Variants in RASSF5 observed in about 807,000 individuals in gnomAD.
RASSF5 encodes the protein ras association domain-containing protein 5.
Under a neutral mutation model 40.5 loss-of-function variants are expected in RASSF5, and 25 were observed. The observed-to-expected ratio is 0.62, with a 90% CI of 0.45 to 0.86. The LOEUF (loss-of-function observed/expected upper bound fraction) is 0.86, where lower values mean the gene tolerates loss of function less well. Among genes scored for constraint, RASSF5 ranks in the 40% least tolerant of loss-of-function variants. RASSF5 has a pLI of 0.00. For missense variants in RASSF5, 521 were observed against 572.8 expected (o/e 0.91, Z 0.92); for synonymous variants, 246 against 252.4 (o/e 0.97, Z 0.24).
At position 206,509,586 on chromosome 1, in the gene RASSF5, G is replaced by T. The variant is rs141442458; in HGVS notation, c.457+1527G>T. Among the ~76,000 whole-genome samples, 487 of 152,336 alleles carry T rather than the reference G, an allele frequency of 3.2e-3. 1 individual carries two copies. Among genetic ancestry groups the T allele is most frequent in the African/African-American group, 0.011 (458 of 41,566 alleles). Reference sequence around the variant, plus strand: ...CATCCAACAACCCTACACACAGGGAGAGAGGCAGGAGCCTCACTGAAATGG... The same window carrying T: ...CATCCAACAACCCTACACACAGGGATAGAGGCAGGAGCCTCACTGAAATGG... On this transcript the variant is annotated intron_variant, in intron 1 of 5. Coordinates refer to ENST00000579436, the MANE Select transcript of RASSF5 (RefSeq NM_182663.4).
At position 206,584,543 on chromosome 1, in the gene RASSF5, C is replaced by A; in HGVS notation, c.847C>A (p.Pro283Thr). 1 of 1,614,154 alleles carries A rather than the reference C, an allele frequency of 6.2e-7. No individual in the cohort carries two copies. The highest frequency in any genetic ancestry group is 8.5e-7 in the Non-Finnish European group (1 of 1,180,004). ...GGACAAGCGGACATCCTTCTACCTG[C>A]CCCTAGATGCCATCAAGCAGCTGCA... ...TTDKRTSFYL[P>T]LDAIKQLHIS... The change falls in exon 4 of 6, where the codon CCC becomes ACC. Residue 283 changes from proline to threonine, a missense_variant. Transcript: ENST00000579436. The surrounding 1 kb of genome is among the most constrained non-coding windows in gnomAD (Gnocchi z 4.9).
chr1:206,513,840 G>A lies in RASSF5; in HGVS notation c.457+5781G>A, dbSNP rs1355954947. Among the ~76,000 whole-genome samples the A allele has an allele frequency of 1.3e-5, 2 of 152,224 alleles. No individual in the cohort carries two copies. The highest frequency in any genetic ancestry group is 4.8e-5 in the African/African-American group (2 of 41,462). ...TGACGTTAGACCAGGCAGAAGGCTG[G>A]GTTCCCTGGGGGCACTGGTTTAAGT... On this transcript the variant is annotated intron_variant, in intron 1 of 5. Transcript: ENST00000579436. This position sits in a 1 kb window ranked among gnomAD's most constrained non-coding sequence, Gnocchi z 5.0.
intron 2 of RASSF5, among the ~76,000 whole-genome samples, chr1:206,555,489 G>A (rs1009924999): frequency 2.5e-4 from 38 of 149,728 alleles, no homozygotes; most frequent in African/African-American, 9.1e-4. Context: ...AAGGATCACA[G>A]GAAACCACCT....
chr1:206,527,008 A>G (rs572446866), intron 1 of RASSF5, among the ~76,000 whole-genome samples: 16 of 152,320 alleles, frequency 1.1e-4, no homozygotes, highest in Middle Eastern at 3.4e-3. Context: ...CAGTTGAGGA[A>G]ATTGAGGCTA....
intron 1 of RASSF5, among the ~76,000 whole-genome samples, chr1:206,517,376 G>T (rs1367663950): frequency 6.6e-6 from 1 of 152,176 alleles, no homozygotes; most frequent in Non-Finnish European, 1.5e-5. Flanking sequence ...ATGCTGGGGG[G>T]TGGGAGAATC....
At chr1:206,539,318 C>G (rs1667490303) in intron 2 of RASSF5, among the ~76,000 whole-genome samples, 1 of 152,176 alleles carries the variant, frequency 6.6e-6, no homozygotes, top group South Asian at 2.1e-4. Flanking sequence ...TCCTGTGTCT[C>G]TGACGGAAAA....
chr1:206,523,102 C>G (rs533137052), intron 1 of RASSF5, among the ~76,000 whole-genome samples: 1 of 151,600 alleles, frequency 6.6e-6, no homozygotes, highest in South Asian at 2.1e-4. Context: ...GTCAGGAGTT[C>G]AAGACTAGCC....
At chr1:206,555,199 A>G (rs1667947521) in intron 2 of RASSF5, among the ~76,000 whole-genome samples, 1 of 152,192 alleles carries the variant, frequency 6.6e-6, no homozygotes, top group Admixed American at 6.5e-5. Flanking sequence ...TTTCCTAACC[A>G]GGTCTGGCAT....
Position 206,507,839 on chromosome 1 carries a change from C to A in RASSF5, c.237C>A (p.Pro79=), listed in dbSNP as rs1666499479. The A allele has an allele frequency of 9.7e-6, 14 of 1,446,716 alleles. No individual in the cohort carries two copies. The highest frequency in any genetic ancestry group is 1.3e-5 in the Non-Finnish European group (14 of 1,106,242). 89.6% of individuals were successfully genotyped at this position (1,446,716 alleles called of 1,614,324 possible). A position where few individuals can be genotyped will look rare whatever the true frequency, so the allele number is the denominator to read the frequency against. The change falls in exon 1 of 6, where the codon CCC becomes CCA. Residue 79 remains proline, a synonymous_variant. Transcript: ENST00000579436. ...AGCCCCCGCCCCGGGCCTCCCGACC[C>A]GCTCGCCCGCTCCGGCCTGGTCTGC... ...NLEPPPRASR[P]ARPLRPGLQQ...
intron 2 of RASSF5, among the ~76,000 whole-genome samples, chr1:206,578,177 G>C (rs1668725715): frequency 6.6e-6 from 1 of 151,866 alleles, no homozygotes; most frequent in East Asian, 1.9e-4. Flanking sequence ...AGTGAGTTGT[G>C]ATTGCACCAG....
At chr1:206,564,659 A>G (rs1348336105) in intron 2 of RASSF5, among the ~76,000 whole-genome samples, 1 of 152,100 alleles carries the variant, frequency 6.6e-6, no homozygotes, top group African/African-American at 2.4e-5. Flanking sequence ...ACACCTGTGT[A>G]TCTTCTGGCT....
Position 206,583,256 on chromosome 1 carries a change from G to A in RASSF5, c.580-13G>A, listed in dbSNP as rs1668965830. On this transcript the variant is annotated splice_polypyrimidine_tract_variant and intron_variant, in intron 2 of 5. Coordinates refer to ENST00000579436, the MANE Select transcript of RASSF5 (RefSeq NM_182663.4). ...CTACTACACATCCACCTCCACTTCT[G>A]TGTCTCTTCCAGAATGTCTGTAAAC... 6.4e-7 allele frequency: 1 copy of A among 1,574,776 alleles called. No homozygotes were observed. The highest frequency in any genetic ancestry group is 8.7e-7 in the Non-Finnish European group (1 of 1,144,488).
chr1:206,546,790 T>C (rs1667705776), intron 2 of RASSF5, among the ~76,000 whole-genome samples: 1 of 152,222 alleles, frequency 6.6e-6, no homozygotes, highest in Non-Finnish European at 1.5e-5. Context: ...TCTTATGAAG[T>C]GTTGAATATC....
intron 2 of RASSF5, among the ~76,000 whole-genome samples, chr1:206,558,325 G>T (rs1668046683): frequency 6.6e-6 from 1 of 152,032 alleles, no homozygotes; most frequent in Non-Finnish European, 1.5e-5. Flanking sequence ...ATTTCCTAAA[G>T]GTGTCCGCCT....
chr1:206,515,045 A>G (rs1553395220), intron 1 of RASSF5, among the ~76,000 whole-genome samples: 2 of 152,244 alleles, frequency 1.3e-5, no homozygotes, highest in African/African-American at 4.8e-5. Flanking sequence ...AAGATAACCC[A>G]GATCATTAAT....
intron 2 of RASSF5, chr1:206,580,856 A>C (rs1668841708): frequency 6.6e-6 from 1 of 152,284 alleles, no homozygotes; most frequent in African/African-American, 2.4e-5. Context: ...CCACCTTCAC[A>C]GGTGACATGG....
intron 4 of RASSF5, 55 bp from the exon 5 acceptor site, chr1:206,585,124 TG>T: frequency 7.3e-7 from 1 of 1,362,418 alleles, no homozygotes. Context: ...CCCGCAAGCC[TG>T]GGCCCCGCCC....
In RASSF5 at chr1:206,507,806, G is replaced by C; in HGVS notation, c.204G>C (p.Gly68=). Residue 68 remains glycine (G), a synonymous_variant, in exon 1 of 6, where the codon GGG becomes GGC. Coordinates refer to ENST00000579436, the MANE Select transcript of RASSF5 (RefSeq NM_182663.4). ...GCAGCGCCCGGAGGGCTGCCCGGGG[G>C]AACCTGGAGCCCCCGCCCCGGGCCT... The part of the protein sequence containing the change: ...EGRSARRAAR[G]NLEPPPRASR... The C allele has an allele frequency of 7.1e-7, 1 of 1,398,808 alleles. No individual in the cohort carries two copies. Among genetic ancestry groups the C allele is most frequent in the South Asian group, 1.6e-5 (1 of 63,136 alleles). The allele number at this position is 1,398,808 out of a possible 1,614,324, so 86.6% of individuals were successfully genotyped here.
rs11581938 is a variant in RASSF5 at position 206,584,829 on chromosome 1, T to C, written c.988+145T>C. On this transcript the variant is annotated intron_variant, in intron 4 of 5. Coordinates refer to ENST00000579436, the MANE Select transcript of RASSF5 (RefSeq NM_182663.4). The surrounding 1 kb of genome is among the most constrained non-coding windows in gnomAD (Gnocchi z 4.9). Reference sequence around the variant, plus strand: ...CAGCTGCCCATGTGGTGTTCAGATCTGTGGAATCCGGGCAGGGAGGCAAGA... The same window carrying C: ...CAGCTGCCCATGTGGTGTTCAGATCCGTGGAATCCGGGCAGGGAGGCAAGA... The C allele has an allele frequency of 2.3e-6, 2 of 851,678 alleles. 1 individual carries two copies. Among genetic ancestry groups the C allele is most frequent in the South Asian group, 3.4e-5 (2 of 58,056 alleles). 52.8% of individuals were successfully genotyped at this position (851,678 alleles called of 1,614,324 possible).
Sources: allele counts gnomAD v4.1 joint callset (sites outside exome capture counted in the v4.1 genomes callset), GRCh38; gene constraint gnomAD v4.1.1; non-coding constraint Gnocchi (gnomAD v3.1); transcripts MANE v1.5; gene names NCBI Gene and HGNC (gene_info 2026-07-23, HGNC 2026-07-21).